The following RBFOX1 variants were observed in gnomAD, a reference collection of about 807,000 sequenced individuals.
RBFOX1 encodes RNA binding fox-1 homolog 1.
A neutral mutation model predicts 57.7 loss-of-function variants in RBFOX1; 8 were observed. That is an observed-to-expected ratio of 0.14 (90% CI 0.08 to 0.25). The LOEUF (loss-of-function observed/expected upper bound fraction) is 0.25. Among genes scored for constraint, RBFOX1 ranks in the 10% least tolerant of loss-of-function variants. The pLI, the probability that RBFOX1 is intolerant of heterozygous loss-of-function variation, is 1.00. For missense variants in RBFOX1, 611 were observed against 548.5 expected (o/e 1.11, Z -1.14); for synonymous variants, 326 against 222.4 (o/e 1.47, Z -4.15).
chr16:5,716,705 G>A (rs1450450228), intron 3 of RBFOX1, among the ~76,000 whole-genome samples: 1 of 152,216 alleles, frequency 6.6e-6, no homozygotes, highest in Non-Finnish European at 1.5e-5. Flanking sequence ...AAAGAGAGCT[G>A]CAGTGAGCAT....
At chr16:6,258,289 G>C (rs2097681021) in intron 1 of RBFOX1, among the ~76,000 whole-genome samples, 1 of 152,080 alleles carries the variant, frequency 6.6e-6, no homozygotes, top group South Asian at 2.1e-4. Context: ...CCCCAGAAGT[G>C]ATTATGCTTG....
chr16:7,697,783 TC>T (rs1227875500), intron 14 of RBFOX1, among the ~76,000 whole-genome samples: 1 of 152,166 alleles, frequency 6.6e-6, no homozygotes, highest in Non-Finnish European at 1.5e-5. Flanking sequence ...AATTCTACCT[TC>T]CCCAGTATGC....
At chr16:5,652,144 T>C (rs1032374099) in intron 3 of RBFOX1, among the ~76,000 whole-genome samples, 2 of 152,136 alleles carry the variant, frequency 1.3e-5, no homozygotes, top group Non-Finnish European at 2.9e-5. Flanking sequence ...AAAAAAATTA[T>C]ACTTTTAATG....
chr16:6,592,493 G>A (rs2097725226), intron 2 of RBFOX1, among the ~76,000 whole-genome samples: 1 of 152,202 alleles, frequency 6.6e-6, no homozygotes, highest in African/African-American at 2.4e-5. Context: ...GTGGTAAAAT[G>A]GAGCGTGCAT....
At chr16:6,551,759 C>T (rs2096993453) in intron 2 of RBFOX1, among the ~76,000 whole-genome samples, 1 of 152,128 alleles carries the variant, frequency 6.6e-6, no homozygotes, top group Admixed American at 6.5e-5. Flanking sequence ...CAGTTGTGGA[C>T]AGCTGAGATG....
At chr16:5,576,698 G>A (rs2046468008) in intron 2 of RBFOX1, among the ~76,000 whole-genome samples, 1 of 152,202 alleles carries the variant, frequency 6.6e-6, no homozygotes, top group African/African-American at 2.4e-5. Flanking sequence ...TGCCTTTCCA[G>A]TGTAGAGAAT....
intron 2 of RBFOX1, among the ~76,000 whole-genome samples, chr16:6,369,926 C>T (rs1197491274): frequency 1.3e-5 from 2 of 152,174 alleles, no homozygotes; most frequent in African/African-American, 4.8e-5. Context: ...CCAATAATGA[C>T]CTTGATGGCA....
chr16:6,502,074 G>T (rs1338933600), intron 2 of RBFOX1, among the ~76,000 whole-genome samples: 2 of 152,166 alleles, frequency 1.3e-5, no homozygotes, highest in African/African-American at 2.4e-5. Context: ...CAGGGAATGG[G>T]TTGGGTCATT....
At chr16:5,822,178 C>G (rs1361095903) in intron 3 of RBFOX1, among the ~76,000 whole-genome samples, 3 of 152,228 alleles carry the variant, frequency 2.0e-5, no homozygotes, top group South Asian at 2.1e-4. Context: ...TGAAGTAACT[C>G]AGGAATGAAA....
intron 3 of RBFOX1, among the ~76,000 whole-genome samples, chr16:6,857,967 G>T (rs1212023368): frequency 6.6e-6 from 1 of 152,050 alleles, no homozygotes; most frequent in African/African-American, 2.4e-5. Context: ...GTTTTTCGTA[G>T]GTCAGATGAA....
At chr16:7,275,202 G>A (rs983541381) in intron 4 of RBFOX1, among the ~76,000 whole-genome samples, 6 of 152,080 alleles carry the variant, frequency 3.9e-5, no homozygotes, top group African/African-American at 7.2e-5. Context: ...ACAGACAATC[G>A]ACATCACATG....
chr16:5,387,177 C>T (rs1434455589), intron 1 of RBFOX1, among the ~76,000 whole-genome samples: 1 of 152,168 alleles, frequency 6.6e-6, no homozygotes, highest in African/African-American at 2.4e-5. Context: ...CTGTTTGTAT[C>T]ATCTAGTACT....
At chr16:6,064,572 C>T (rs190258762) in intron 1 of RBFOX1, among the ~76,000 whole-genome samples, 26 of 152,028 alleles carry the variant, frequency 1.7e-4, no homozygotes, top group African/African-American at 4.3e-4. Flanking sequence ...GACGGAGTGT[C>T]GCTCTGTCAC....
chr16:7,145,302 A>G (rs2074719443), intron 4 of RBFOX1, among the ~76,000 whole-genome samples: 1 of 152,050 alleles, frequency 6.6e-6, no homozygotes, highest in African/African-American at 2.4e-5. Flanking sequence ...CTTCCCGGGT[A>G]CAAGAGATTC....
chr16:5,802,972 A>G (rs2055107107), intron 3 of RBFOX1, among the ~76,000 whole-genome samples: 2 of 152,212 alleles, frequency 1.3e-5, no homozygotes, highest in Non-Finnish European at 2.9e-5. Context: ...GTATGGACAC[A>G]GCCCCTTGAG....
At chr16:5,367,602 C>A (rs938694250) in intron 1 of RBFOX1, among the ~76,000 whole-genome samples, 2 of 152,222 alleles carry the variant, frequency 1.3e-5, no homozygotes, top group Non-Finnish European at 2.9e-5. Context: ...CTTACTGGTA[C>A]TGGGCGTAAC....
intron 4 of RBFOX1, among the ~76,000 whole-genome samples, chr16:7,218,628 C>CTGTGTGTGTGTGTGTGTG (rs60333818): frequency 3.9e-5 from 5 of 127,490 alleles, no homozygotes; most frequent in Non-Finnish European, 6.4e-5. Context: ...TGGGGGTTTG[C>CTGTGTGTGTGTGTGTGTG]TGTGTGTGTG....
intron 4 of RBFOX1, among the ~76,000 whole-genome samples, chr16:7,439,007 C>A (rs1225955485): frequency 6.6e-6 from 1 of 152,186 alleles, no homozygotes; most frequent in East Asian, 1.9e-4. Flanking sequence ...GCAGGTCGCG[C>A]TGTGGTGGAG....
intron 3 of RBFOX1, among the ~76,000 whole-genome samples, chr16:7,044,737 G>A (rs2047325854): frequency 6.6e-6 from 1 of 152,106 alleles, no homozygotes. Context: ...CAAATGAAAT[G>A]ACATTTGATA....
Sources: gnomAD v4.1 joint callset for allele counts (sites outside exome capture counted in the v4.1 genomes callset) on GRCh38, gnomAD v4.1.1 for gene constraint, MANE v1.5 for transcripts, NCBI Gene and HGNC (gene_info 2026-07-23, HGNC 2026-07-21) for gene names.